C3orf52: variants seen among roughly 807,000 people sequenced by gnomAD.
The protein encoded by C3orf52 is TPA-induced transmembrane protein.
C3orf52 carries 22 observed loss-of-function variants against 24.8 expected under a neutral mutation model. That is an observed-to-expected ratio of 0.89 (90% confidence interval 0.63 to 1.27). The LOEUF is 1.27. Among genes scored for constraint, C3orf52 ranks in the 50% most tolerant of loss-of-function variants. The probability of loss-of-function intolerance (pLI) is 0.00; values close to 1 mark genes in which losing one functional copy is unlikely to be tolerated. For synonymous variants in C3orf52, 93 were observed against 100.2 expected (o/e 0.93, Z 0.43); for missense variants, 265 against 260.7 (o/e 1.02, Z -0.11).
intron 1 of C3orf52, 139 bp from the exon 2 acceptor site, chr3:112,093,221 G>A: frequency 1.3e-6 from 1 of 775,624 alleles, no homozygotes. Context: ...CTCTCTTTTT[G>A]AAAACTTGAT....
chr3:112,120,357 T>C (rs1210335337), downstream of C3orf52, among the ~76,000 whole-genome samples: 1 of 152,248 alleles, frequency 6.6e-6, no homozygotes, highest in African/African-American at 2.4e-5. Context: ...ATCCGAAGCA[T>C]CTATCACTCA....
chr3:112,096,360 A>G (rs2073927478), intron 2 of C3orf52, among the ~76,000 whole-genome samples: 1 of 152,256 alleles, frequency 6.6e-6, no homozygotes, highest in Non-Finnish European at 1.5e-5. Context: ...CCAAAGGCCC[A>G]GGGCTTAAAT....
chr3:112,119,084 G>A (rs1376778297), downstream of C3orf52, among the ~76,000 whole-genome samples: 1 of 152,010 alleles, frequency 6.6e-6, no homozygotes, highest in Non-Finnish European at 1.5e-5. Flanking sequence ...AATACCCAGG[G>A]GTCAAAAACA....
At chr3:112,130,925 C>G (rs1431069190), downstream of C3orf52, 4 of 171,460 alleles carry the variant, frequency 2.3e-5, no homozygotes, top group South Asian at 6.3e-4. Flanking sequence ...GTAAATCACA[C>G]CATCTTTCAC....
At chr3:112,107,564 A>G (rs9822776) in intron 3 of C3orf52, among the ~76,000 whole-genome samples, 9,353 of 152,268 alleles carry the variant, frequency 0.061, 394 homozygotes, top group African/African-American at 0.12. Flanking sequence ...ATATATATCA[A>G]TTTCTTCTTC....
At chr3:112,115,580 C>T (rs2074127064) in intron 5 of C3orf52, among the ~76,000 whole-genome samples, 1 of 151,934 alleles carries the variant, frequency 6.6e-6, no homozygotes, top group Non-Finnish European at 1.5e-5. Flanking sequence ...GTACCTTCTC[C>T]CCAGGAAAAA....
intron 4 of C3orf52, among the ~76,000 whole-genome samples, chr3:112,125,945 A>G (rs971007424): frequency 3.3e-5 from 5 of 152,196 alleles, no homozygotes; most frequent in Admixed American, 6.5e-5. Context: ...AAACACACCA[A>G]TTCCATAAAC....
chr3:112,106,724 A>G (rs558689451), intron 3 of C3orf52, among the ~76,000 whole-genome samples: 1 of 152,266 alleles, frequency 6.6e-6, no homozygotes, highest in South Asian at 2.1e-4. Context: ...ACTTTTCTAA[A>G]CACAGGCCCT....
intron 2 of C3orf52, among the ~76,000 whole-genome samples, chr3:112,094,069 G>A (rs574546167): frequency 3.3e-5 from 5 of 151,958 alleles, no homozygotes; most frequent in South Asian, 2.1e-4. Context: ...ACTTTGGCTC[G>A]CTGCAACCTC....
chr3:112,114,643 G>A lies in C3orf52; in HGVS notation c.649+1498G>A, dbSNP rs1015111756. Among the ~76,000 whole-genome samples, 8 of 152,102 alleles carry A rather than the reference G, an allele frequency of 5.3e-5. No homozygotes were observed. The East Asian group carries it at 1.2e-3, about 22-fold the overall frequency. ...CACTTGAACCTGGGAGGCAGAGGTT[G>A]CGGTGAGCCGAGATCGCATCATTGC... On this transcript the variant is annotated intron_variant, in intron 5 of 5. Transcript: ENST00000264848.
At chr3:112,118,629 A>G (rs531483537), downstream of C3orf52, among the ~76,000 whole-genome samples, 2 of 152,370 alleles carry the variant, frequency 1.3e-5, no homozygotes, top group East Asian at 3.9e-4. Flanking sequence ...TGGTATGGGA[A>G]AAAACTAACC....
At chr3:112,098,396 C>A (rs957815588) in intron 2 of C3orf52, among the ~76,000 whole-genome samples, 1 of 152,174 alleles carries the variant, frequency 6.6e-6, no homozygotes, top group Non-Finnish European at 1.5e-5. Flanking sequence ...TCTTCAGCTT[C>A]GTGACTTTTC....
At chr3:112,102,666 A>G (rs562483515) in intron 2 of C3orf52, among the ~76,000 whole-genome samples, 172 bp from the exon 3 acceptor site, 2 of 152,122 alleles carry the variant, frequency 1.3e-5, no homozygotes, top group African/African-American at 4.8e-5. Context: ...ATTTTACTCA[A>G]TTTTGCTGAG....
chr3:112,119,567 A>G (rs1050960369), downstream of C3orf52: 11 of 702,200 alleles, frequency 1.6e-5, no homozygotes, highest in Middle Eastern at 2.3e-4. Context: ...GATGAGGTAC[A>G]TATTCTCTCT....
chr3:112,098,593 G>C (rs1387225967), intron 2 of C3orf52, among the ~76,000 whole-genome samples: 1 of 152,082 alleles, frequency 6.6e-6, no homozygotes, highest in African/African-American at 2.4e-5. Context: ...ACTACCATTT[G>C]TTTGTATGCT....
chr3:112,111,475 A>G (rs1228399440), intron 4 of C3orf52: 1 of 152,284 alleles, frequency 6.6e-6, no homozygotes, highest in East Asian at 1.9e-4. Flanking sequence ...GACTCACTCC[A>G]GTGGTGGGCA....
At chr3:112,121,597 A>G (rs1210218096), downstream of C3orf52, 1 of 152,252 alleles carries the variant, frequency 6.6e-6, no homozygotes, top group African/African-American at 2.4e-5. Context: ...CATCTTGTAC[A>G]ATATCCACTG....
the C3orf52 span, among the ~76,000 whole-genome samples, chr3:112,136,299 G>A: frequency 6.6e-6 from 1 of 152,196 alleles, no homozygotes; most frequent in Non-Finnish European, 1.5e-5. Context: ...TTCTGTTTTA[G>A]TAATCTCTTT....
At chr3:112,128,144 T>C (rs2074371276) in intron 4 of C3orf52, 1 of 1,311,122 alleles carries the variant, frequency 7.6e-7, no homozygotes. Flanking sequence ...TTGCCATTTC[T>C]GTGGAAAACT....
Sources: gnomAD v4.1 joint callset for allele counts (sites outside exome capture counted in the v4.1 genomes callset) on GRCh38, gnomAD v4.1.1 for gene constraint, MANE v1.5 for transcripts, NCBI Gene and HGNC (gene_info 2026-07-23, HGNC 2026-07-21) for gene names.